Variants in DDX31 observed in about 807,000 individuals in gnomAD.
The protein encoded by DDX31 is DEAD-box helicase 31.
DDX31 carries 70 observed loss-of-function variants against 91.3 expected under a neutral mutation model. The observed-to-expected ratio is 0.77, with a 90% CI of 0.63 to 0.94. The LOEUF (loss-of-function observed/expected upper bound fraction) is 0.94. Ranked by LOEUF, DDX31 falls within the 40% of genes least tolerant of loss-of-function variation. The probability of loss-of-function intolerance (pLI) is 0.00; values close to 1 mark genes in which losing one functional copy is unlikely to be tolerated. For synonymous variants in DDX31, 362 were observed against 350.6 expected (o/e 1.03, Z -0.36); for missense variants, 902 against 925.0 (o/e 0.98, Z 0.32).
rs1240646985 is a variant in DDX31 at position 132,632,285 on chromosome 9, CACACACACACACAG to C, written c.1441-208_1441-195del. 8.3e-4 allele frequency among the ~76,000 whole-genome samples: 110 copies of C among 132,544 alleles called. 1 individual carries two copies. Among genetic ancestry groups the C allele is most frequent in the African/African-American group, 2.2e-3 (74 of 33,544 alleles). 87.0% of individuals were successfully genotyped at this position (132,544 alleles called of 152,430 possible). A position where few individuals can be genotyped will look rare whatever the true frequency, so the allele number is the denominator to read the frequency against. ...ACACACACACACACACACACACACA[CACACACACACACAG>C]TCCTGCATACAACTTCAGGGGGCTC... On this transcript the variant is annotated intron_variant, in intron 14 of 19. Transcript: ENST00000372159.
At position 132,632,103 on chromosome 9, in the gene DDX31, A is replaced by C. The variant is rs770572446; in HGVS notation, c.1441-12T>G. 2 of 1,612,088 alleles carry C rather than the reference A, an allele frequency of 1.2e-6. No individual in the cohort carries two copies. Among genetic ancestry groups the C allele is most frequent in the Non-Finnish European group, 1.7e-6 (2 of 1,178,790 alleles). ...CGAGCTGCAACATCCTTTAACAAAGAAAAGAATATGGTTTAACACTGAGTT... is the reference window on the plus strand; with the variant it reads ...CGAGCTGCAACATCCTTTAACAAAGCAAAGAATATGGTTTAACACTGAGTT... On this transcript the variant is annotated splice_polypyrimidine_tract_variant and intron_variant, in intron 14 of 19. Transcript: ENST00000372159.
At chr9:132,596,343 G>T (rs1253992542) in intron 19 of DDX31, among the ~76,000 whole-genome samples, 1 of 152,170 alleles carries the variant, frequency 6.6e-6, no homozygotes, top group Non-Finnish European at 1.5e-5. Flanking sequence ...CAGAGGACAG[G>T]GTGACAGTCA....
At chr9:132,662,181 A>G (rs1835002459) in intron 3 of DDX31, 80 bp downstream of exon 3, 1 of 1,365,460 alleles carries the variant, frequency 7.3e-7, no homozygotes. Flanking sequence ...CTCTCCTCCT[A>G]GAGCGGCCAT....
chr9:132,646,608 C>T (rs577241668), intron 12 of DDX31, among the ~76,000 whole-genome samples: 1 of 152,328 alleles, frequency 6.6e-6, no homozygotes, highest in African/African-American at 2.4e-5. Flanking sequence ...GAGAACATTT[C>T]AAGCTGAACA....
Position 132,595,092 on chromosome 9 carries a change from G to T in DDX31, c.2015C>A (p.Thr672Asn). The change falls in exon 20 of 20, where the codon ACC (threonine) becomes AAC (asparagine). Residue 672 changes from threonine to asparagine, a missense_variant. Physicochemically the swap from Thr to Asn is moderately conservative, Grantham distance 65. Coordinates refer to ENST00000372159, the MANE Select transcript of DDX31 (RefSeq NM_022779.9). This position sits in a 1 kb window ranked among gnomAD's most constrained non-coding sequence, Gnocchi z 4.6. The stretch of plus-strand genomic sequence containing the variant: ...TTCAGCGAGGCTGTGTTTACTCTGG[G>T]TCTTCTTATGAAGGTCAGGCCTGAA... ...HVKRPDLHKK[T>N]QSKHSLAEIL... 6.2e-7 allele frequency: 1 copy of T among 1,614,150 alleles called. No individual in the cohort carries two copies. Among genetic ancestry groups the T allele is most frequent in the Non-Finnish European group, 8.5e-7 (1 of 1,180,006 alleles).
intron 11 of DDX31, 45 bp from the exon 12 acceptor site, chr9:132,647,103 T>C (rs1833890162): frequency 2.5e-6 from 4 of 1,587,952 alleles, no homozygotes; most frequent in South Asian, 1.1e-5. Flanking sequence ...AAACACACCA[T>C]GAAACTGGTC....
At chr9:132,649,777 AT>A (rs1834067728) in intron 9 of DDX31, among the ~76,000 whole-genome samples, 1 of 152,222 alleles carries the variant, frequency 6.6e-6, no homozygotes, top group South Asian at 2.1e-4. Context: ...TGTTGCAACG[AT>A]TTTCAACTGA....
chr9:132,646,755 C>T, intron 12 of DDX31, 68 bp downstream of exon 12: 3 of 1,509,282 alleles, frequency 2.0e-6, no homozygotes, highest in Non-Finnish European at 2.8e-6. Flanking sequence ...TCATTGCTCC[C>T]AATGGCTTAA....
chr9:132,661,149 T>G, intron 4 of DDX31, 59 bp downstream of exon 4: 1 of 1,488,468 alleles, frequency 6.7e-7, no homozygotes, highest in Non-Finnish European at 9.3e-7. Flanking sequence ...CACACACAGG[T>G]TTCGTCCGGT....
At position 132,630,422 on chromosome 9, in the gene DDX31, A is replaced by C; in HGVS notation, c.1492-19T>G. ...CGTTGTACTAAAAAGGGTAACAAAAATGAAGGCATTCATAGATCAAGGGAC... is the reference window on the plus strand; with the variant it reads ...CGTTGTACTAAAAAGGGTAACAAAACTGAAGGCATTCATAGATCAAGGGAC... On this transcript the variant is annotated intron_variant, in intron 15 of 19. Coordinates refer to ENST00000372159, the MANE Select transcript of DDX31 (RefSeq NM_022779.9). 1.3e-6 allele frequency: 2 copies of C among 1,575,508 alleles called. No homozygotes were observed. Among genetic ancestry groups the C allele is most frequent in the Non-Finnish European group, 1.7e-6 (2 of 1,149,876 alleles).
intron 6 of DDX31, among the ~76,000 whole-genome samples, chr9:132,653,554 A>G (rs903802190): frequency 6.7e-6 from 1 of 149,490 alleles, no homozygotes; most frequent in Non-Finnish European, 1.5e-5. Context: ...GCCTTCCAAT[A>G]TAAAAAGTTA....
chr9:132,667,732 A>G (rs1005374368), intron 1 of DDX31, among the ~76,000 whole-genome samples: 2 of 152,140 alleles, frequency 1.3e-5, no homozygotes, highest in African/African-American at 4.8e-5. Context: ...TATTTACTCA[A>G]TGCTTCTTAT....
At chr9:132,658,480 T>A in intron 6 of DDX31, 191 bp downstream of exon 6, 1 of 672,648 alleles carries the variant, frequency 1.5e-6, no homozygotes, top group Non-Finnish European at 2.7e-6. Flanking sequence ...ATGACAATTG[T>A]GAAGTGTATT....
intron 19 of DDX31, among the ~76,000 whole-genome samples, chr9:132,604,876 T>C (rs571579430): frequency 2.0e-5 from 3 of 152,226 alleles, no homozygotes; most frequent in Admixed American, 2.0e-4. Context: ...GCCCCACTCC[T>C]GAGCCTGCTC....
chr9:132,669,236 T>C (rs913934856), intron 1 of DDX31, among the ~76,000 whole-genome samples: 13 of 146,806 alleles, frequency 8.9e-5, no homozygotes, highest in East Asian at 6.2e-4. Context: ...TCTTTGCAGA[T>C]GCAAATGTCC....
Position 132,625,665 on chromosome 9 carries a change from T to G in DDX31, c.1712A>C (p.Gln571Pro). The G allele has an allele frequency of 1.2e-6, 2 of 1,613,636 alleles. No individual in the cohort carries two copies. The highest frequency in any genetic ancestry group is 1.7e-6 in the Non-Finnish European group (2 of 1,179,610). Residue 571 changes from glutamine to proline, a missense_variant and splice_region_variant, in exon 17 of 20, where the codon CAG (glutamine) becomes CCG (proline). Gln to Pro is a moderately conservative substitution (Grantham distance 76). Coordinates refer to ENST00000372159, the MANE Select transcript of DDX31 (RefSeq NM_022779.9). Reference sequence around the variant, plus strand: ...AGCACAATAAATAACAAAACTCACCTGGGCTCCCCATCGTTTCCCTTTAAA... The same window carrying G: ...AGCACAATAAATAACAAAACTCACCGGGGCTCCCCATCGTTTCCCTTTAAA... The part of the protein sequence containing the change: ...DCFKGKRWGA[Q>P]KSHAVGPQEI...
intron 19 of DDX31, among the ~76,000 whole-genome samples, chr9:132,603,656 T>G (rs767396127): frequency 1.3e-5 from 2 of 152,242 alleles, no homozygotes; most frequent in Non-Finnish European, 2.9e-5. Flanking sequence ...CGGCCGCATC[T>G]GGACCTAGCG....
intron 14 of DDX31, among the ~76,000 whole-genome samples, chr9:132,639,103 G>A (rs539095823): frequency 6.6e-6 from 1 of 152,266 alleles, no homozygotes; most frequent in South Asian, 2.1e-4. Flanking sequence ...GCAACAGGCT[G>A]CTTAAAAGGA....
intron 1 of DDX31, chr9:132,663,206 C>A (rs1489731286): frequency 3.9e-6 from 5 of 1,289,200 alleles, no homozygotes; most frequent in African/African-American, 1.5e-5. Flanking sequence ...GCCCAGGAAG[C>A]GGAAACATTC....
Sources: gnomAD v4.1 joint callset for allele counts (sites outside exome capture counted in the v4.1 genomes callset) on GRCh38, gnomAD v4.1.1 for gene constraint, Gnocchi (gnomAD v3.1) non-coding constraint, MANE v1.5 for transcripts, NCBI Gene and HGNC (gene_info 2026-07-23, HGNC 2026-07-21) for gene names.